Variants in ROBO3 observed in about 807,000 individuals in gnomAD.
ROBO3 encodes the protein roundabout homolog 3.
A neutral mutation model predicts 160.5 loss-of-function variants in ROBO3; 97 were observed. The observed-to-expected ratio is 0.60, with a 90% CI of 0.51 to 0.72. The LOEUF (loss-of-function observed/expected upper bound fraction) is 0.72, where lower values mean the gene tolerates loss of function less well. ROBO3 is among the 30% of genes least tolerant of loss of function. The probability of loss-of-function intolerance (pLI) is 0.00; values close to 1 mark genes in which losing one functional copy is unlikely to be tolerated. For synonymous variants in ROBO3, 780 were observed against 746.2 expected (o/e 1.05, Z -0.74); for missense variants, 1,858 against 1,846.5 (o/e 1.01, Z -0.11).
intron 5 of ROBO3, 37 bp from the exon 6 acceptor site, chr11:124,870,564 C>T (rs770717123): frequency 6.2e-7 from 1 of 1,613,146 alleles, no homozygotes; most frequent in African/African-American, 1.3e-5. Context: ...GGGTCTGTAG[C>T]TGTGGCCAAC....
Position 124,865,539 on chromosome 11 carries a change from GC to G in ROBO3, c.-34del. The G allele has an allele frequency of 1.9e-6, 3 of 1,599,960 alleles. No individual in the cohort carries two copies. The highest frequency in any genetic ancestry group is 1.7e-6 in the Non-Finnish European group (2 of 1,175,368). ...CACGGGTCTCAGACCCAGGGGCTGG[GC>G]CCCCAGCCCCCAGTCCCGATCCCAG... On this transcript the variant is annotated 5_prime_UTR_variant, in exon 1 of 28. Transcript: ENST00000397801. The surrounding 1 kb of genome is among the most constrained non-coding windows in gnomAD (Gnocchi z 5.5).
Position 124,870,300 on chromosome 11 carries a change from G to A in ROBO3, c.902G>A (p.Gly301Asp). 1 of 1,613,282 alleles carries A rather than the reference G, an allele frequency of 6.2e-7. No individual in the cohort carries two copies. The highest frequency in any genetic ancestry group is 8.5e-7 in the Non-Finnish European group (1 of 1,179,510). The change falls in exon 5 of 28, where the codon GGC (glycine) becomes GAC (aspartate). Residue 301 changes from glycine to aspartate, a missense_variant. Transcript: ENST00000397801. The part of the protein sequence containing the change: ...WRKEDGELPT[G>D]RYEIRSDHSL... ...AAGGAGGATGGGGAACTGCCCACAG[G>A]CAGGTGAGAGACCCCCTTCTGCCTG... is the stretch of plus-strand genomic sequence containing the variant.
Position 124,870,619 on chromosome 11 carries a change from C to A in ROBO3, c.924C>A (p.Asp308Glu). The A allele has an allele frequency of 1.2e-6, 2 of 1,613,724 alleles. No individual in the cohort carries two copies. Among genetic ancestry groups the A allele is most frequent in the Non-Finnish European group, 1.7e-6 (2 of 1,179,838 alleles). Residue 308 changes from aspartate to glutamate, a missense_variant, in exon 6 of 28, where the codon GAC (aspartate) becomes GAA (glutamate). By Grantham distance (45) the Asp-to-Glu change is conservative. Coordinates refer to ENST00000397801, the MANE Select transcript of ROBO3 (RefSeq NM_022370.4). ...LPTGRYEIRS[D>E]HSLWIGHVSA... ...GGAGCAGGTATGAGATCCGGAGTGA[C>A]CACAGCCTTTGGATTGGGCATGTGA...
At chr11:124,880,022 T>G in intron 26 of ROBO3, 74 bp downstream of exon 26, 1 of 1,382,966 alleles carries the variant, frequency 7.2e-7, no homozygotes, top group South Asian at 1.4e-5. Context: ...GGGCTGATAG[T>G]AGACCAGCTC....
chr11:124,868,804 TCA>T lies in ROBO3; in HGVS notation c.164_165del (p.Ser55Ter). 6.2e-7 allele frequency: 1 copy of T among 1,607,052 alleles called. No homozygotes were observed. The highest frequency in any genetic ancestry group is 8.5e-7 in the Non-Finnish European group (1 of 1,177,208). On this transcript the variant is annotated frameshift_variant, in exon 2 of 28. Coordinates refer to ENST00000397801, the MANE Select transcript of ROBO3 (RefSeq NM_022370.4). LOFTEE classifies it high-confidence loss of function. ...LPPGDPSLNGSRVGPEDAMPR... is the reference protein window; with the variant it reads ...LPPGDPSLNGXRVGPEDAMPR... ...TCTGCGCCACCCCCTGTCCCCAGGG[TCA>T]AGGGTAGGACCGGAGGACGCTATGC...
chr11:124,871,011 C>T lies in ROBO3; in HGVS notation c.1034-3C>T. 1.9e-6 allele frequency: 3 copies of T among 1,605,302 alleles called. No individual in the cohort carries two copies. The highest frequency in any genetic ancestry group is 1.1e-5 in the South Asian group (1 of 90,816). ...GTTCCTTTTTCTCACCTGCCCTTCC[C>T]AGTCCCACCCCAGTTGGTGACCCAG... On this transcript the variant is annotated splice_polypyrimidine_tract_variant and splice_region_variant and intron_variant, in intron 6 of 27. Transcript: ENST00000397801.
At position 124,869,107 on chromosome 11, in the gene ROBO3, A is replaced by G. The variant is rs2135324872; in HGVS notation, c.466A>G (p.Asn156Asp). 1.3e-6 allele frequency: 2 copies of G among 1,571,142 alleles called. No individual in the cohort carries two copies. The highest frequency in any genetic ancestry group is 1.7e-6 in the Non-Finnish European group (2 of 1,158,368). Reference sequence around the variant, plus strand: ...CTACCTGGGGGCAGCAGCGAGCAGAAACGCCTCGCTGGAAGTGGCAGGTGA... The same window carrying G: ...CTACCTGGGGGCAGCAGCGAGCAGAGACGCCTCGCTGGAAGTGGCAGGTGA... ...RNYLGAAASRNASLEVAVLRD... is the reference protein window; with the variant it reads ...RNYLGAAASRDASLEVAVLRD... Residue 156 changes from asparagine to aspartate, a missense_variant, in exon 2 of 28, where the codon AAC (asparagine) becomes GAC (aspartate). Transcript: ENST00000397801. The surrounding 1 kb of genome is among the most constrained non-coding windows in gnomAD (Gnocchi z 4.2).
Position 124,876,410 on chromosome 11 carries a change from C to T in ROBO3, c.2729C>T (p.Ala910Val). ...ACGALLLGLC[A>V]ALYWRRKQRK... Reference sequence around the variant, plus strand: ...GGGGCGCTGCTTCTCGGGCTCTGCGCCGCCCTCTACTGGCGCCGGAAACAG... The same window carrying T: ...GGGGCGCTGCTTCTCGGGCTCTGCGTCGCCCTCTACTGGCGCCGGAAACAG... Residue 910 changes from alanine (A) to valine (V), a missense_variant, in exon 17 of 28, where the codon GCC becomes GTC. Coordinates refer to ENST00000397801, the MANE Select transcript of ROBO3 (RefSeq NM_022370.4). The surrounding 1 kb of genome is among the most constrained non-coding windows in gnomAD (Gnocchi z 5.3). 6.9e-7 allele frequency: 1 copy of T among 1,451,114 alleles called. No homozygotes were observed. The highest frequency in any genetic ancestry group is 9.0e-7 in the Non-Finnish European group (1 of 1,108,258). The allele number at this position is 1,451,114 out of a possible 1,614,324, so 89.9% of individuals were successfully genotyped here.
At position 124,865,877 on chromosome 11, in the gene ROBO3, T is replaced by A. The variant is rs950031769; in HGVS notation, c.160+140T>A. 8 of 995,974 alleles carry A rather than the reference T, an allele frequency of 8.0e-6. No homozygotes were observed. The highest frequency in any genetic ancestry group is 8.6e-6 in the Non-Finnish European group (6 of 698,508). 61.7% of individuals were successfully genotyped at this position (995,974 alleles called of 1,614,324 possible). On this transcript the variant is annotated intron_variant, in intron 1 of 27. Coordinates refer to ENST00000397801, the MANE Select transcript of ROBO3 (RefSeq NM_022370.4). This position sits in a 1 kb window ranked among gnomAD's most constrained non-coding sequence, Gnocchi z 5.5. ...CCCAGCGCCTCCCTGGGTCGTGGGG[T>A]CTAAGGGATAATTTGGAGCTTCGAG...
chr11:124,870,897 G>C (rs768085546), intron 6 of ROBO3, 117 bp from the exon 7 acceptor site: 12 of 1,523,956 alleles, frequency 7.9e-6, no homozygotes, highest in Non-Finnish European at 1.1e-5. Flanking sequence ...GGGAGGAAGA[G>C]ATGGATATCT....
At chr11:124,868,688 T>C (rs1324858937) in intron 1 of ROBO3, 114 bp from the exon 2 acceptor site, 1 of 1,089,782 alleles carries the variant, frequency 9.2e-7, no homozygotes, top group Non-Finnish European at 1.4e-6. Flanking sequence ...GGGACTGAGC[T>C]CCGCAGAGAA....
rs769902094 is a variant in ROBO3 at position 124,869,558 on chromosome 11, C to G, written c.596C>G (p.Ser199Cys). ...CGCGGCCACCCGGAGCCTTCCGTGT[C>G]CTGGAGGAAGGACGGTGCAAGACTC... ...PPRGHPEPSV[S>C]WRKDGARLKE... The change falls in exon 3 of 28, where the codon TCC (serine) becomes TGC (cysteine). Residue 199 changes from serine (S) to cysteine (C), a missense_variant. Ser to Cys is a moderately radical substitution (Grantham distance 112). Coordinates refer to ENST00000397801, the MANE Select transcript of ROBO3 (RefSeq NM_022370.4). This position sits in a 1 kb window ranked among gnomAD's most constrained non-coding sequence, Gnocchi z 4.2. The G allele has an allele frequency of 6.4e-6, 10 of 1,570,670 alleles. No homozygotes were observed. In the East Asian group the frequency reaches 2.3e-4, roughly 37 times the overall value.
chr11:124,866,228 G>T (rs1946194482), intron 1 of ROBO3, among the ~76,000 whole-genome samples: 1 of 152,226 alleles, frequency 6.6e-6, no homozygotes, highest in Admixed American at 6.5e-5. Flanking sequence ...CTACGGAGGG[G>T]ATAGGGGCGG....
chr11:124,880,095 C>A, intron 26 of ROBO3, 147 bp downstream of exon 26: 1 of 899,672 alleles, frequency 1.1e-6, no homozygotes, highest in Non-Finnish European at 1.6e-6. Flanking sequence ...CTCTCTAACT[C>A]TCTGAGCACA....
rs1946296449 is a variant in ROBO3 at position 124,872,859 on chromosome 11, G to A, written c.1331-25G>A. 1 of 1,556,978 alleles carries A rather than the reference G, an allele frequency of 6.4e-7. No individual in the cohort carries two copies. Among genetic ancestry groups the A allele is most frequent in the Non-Finnish European group, 8.7e-7 (1 of 1,151,188 alleles). On this transcript the variant is annotated intron_variant, in intron 8 of 27. Coordinates refer to ENST00000397801, the MANE Select transcript of ROBO3 (RefSeq NM_022370.4). This position sits in a 1 kb window ranked among gnomAD's most constrained non-coding sequence, Gnocchi z 4.3. ...GCGGGGCCCTAAGCTCCTCCCCTGA[G>A]GTGCACACGTTCTTCCTCTCTCAGC...
chr11:124,869,533 C>A lies in ROBO3; in HGVS notation c.571C>A (p.Arg191Ser). Residue 191 changes from arginine to serine, a missense_variant, in exon 3 of 28, where the codon CGC becomes AGC. Arg to Ser is a moderately radical substitution (Grantham distance 110). Transcript: ENST00000397801. The surrounding 1 kb of genome is among the most constrained non-coding windows in gnomAD (Gnocchi z 4.2). ...AGCAGTACTGGAATGCGTGCCCCCC[C>A]GCGGCCACCCGGAGCCTTCCGTGTC... ...EPAVLECVPP[R>S]GHPEPSVSWR... 6.4e-7 allele frequency: 1 copy of A among 1,562,992 alleles called. No individual in the cohort carries two copies. Among genetic ancestry groups the A allele is most frequent in the Middle Eastern group, 1.7e-4 (1 of 5,996 alleles).
rs2135324682 is a variant in ROBO3, at chr11:124,869,005, G to A, written c.364G>A (p.Ala122Thr). Residue 122 changes from alanine to threonine, a missense_variant, in exon 2 of 28, where the codon GCC (alanine) becomes ACC (threonine). Physicochemically the swap from Ala to Thr is moderately conservative, Grantham distance 58 (BLOSUM62 0). Coordinates refer to ENST00000397801, the MANE Select transcript of ROBO3 (RefSeq NM_022370.4). This position sits in a 1 kb window ranked among gnomAD's most constrained non-coding sequence, Gnocchi z 4.2. ...RAHRLLLPSG[A>T]LFFPRIVHGR... The stretch of plus-strand genomic sequence containing the variant: ...GCACCGCCTGCTGCTGCCCAGCGGC[G>A]CCCTCTTCTTCCCGCGCATCGTGCA... 2 of 1,600,024 alleles carry A rather than the reference G, an allele frequency of 1.2e-6. No homozygotes were observed. Among genetic ancestry groups the A allele is most frequent in the Non-Finnish European group, 1.7e-6 (2 of 1,174,232 alleles).
At chr11:124,868,632 C>G (rs959640571) in intron 1 of ROBO3, 170 bp from the exon 2 acceptor site, 1 of 749,950 alleles carries the variant, frequency 1.3e-6, no homozygotes, top group African/African-American at 1.7e-5. Context: ...GAACGTCTGC[C>G]AATAAGGACA....
rs774060069 is a variant in ROBO3, at chr11:124,874,239, A to G, written c.1951+3A>G. On this transcript the variant is annotated splice_donor_region_variant and intron_variant, in intron 12 of 27. Transcript: ENST00000397801. ...CTCTGAGCCTGTCCGTACACAGGGT[A>G]AGGTCAGAGTCCCTGGGCTCATGAG... 44 of 1,611,126 alleles carry G rather than the reference A, an allele frequency of 2.7e-5. No homozygotes were observed. Among genetic ancestry groups the G allele is most frequent in the Non-Finnish European group, 3.5e-5 (41 of 1,178,020 alleles).
Sources: gnomAD v4.1 joint callset for allele counts (sites outside exome capture counted in the v4.1 genomes callset) on GRCh38, gnomAD v4.1.1 for gene constraint, Gnocchi (gnomAD v3.1) non-coding constraint, MANE v1.5 for transcripts, NCBI Gene and HGNC (gene_info 2026-07-23, HGNC 2026-07-21) for gene names.